Variants in GARNL3 observed in about 807,000 individuals in gnomAD.
GARNL3 encodes GTPase activating Rap/RanGAP domain like 3, also known as GTPase-activating Rap/Ran-GAP domain-like protein 3.
A neutral mutation model predicts 125.0 loss-of-function variants in GARNL3; 63 were observed. That is an observed-to-expected ratio of 0.50 (90% CI 0.41 to 0.62). The LOEUF (loss-of-function observed/expected upper bound fraction) is 0.62. GARNL3 is among the 20% of genes least tolerant of loss of function. GARNL3 has a pLI of 0.00. For synonymous variants in GARNL3, 439 were observed against 457.5 expected, an observed-to-expected ratio of 0.96 and a Z score of 0.52; for missense variants, 994 against 1,244.0, an observed-to-expected ratio of 0.80 and a Z score of 3.02.
intron 2 of GARNL3, among the ~76,000 whole-genome samples, chr9:127,245,929 G>C (rs2063294771): frequency 6.6e-6 from 1 of 151,644 alleles, no homozygotes; most frequent in South Asian, 2.1e-4. Context: ...ATATTTATGG[G>C]ATGGCAGCGT....
chr9:127,332,247 T>A (rs10987596), intron 7 of GARNL3, 27 bp from the exon 8 acceptor site: 3 of 1,564,646 alleles, frequency 1.9e-6, no homozygotes, highest in South Asian at 2.2e-5. Flanking sequence ...TAAAATTAAC[T>A]GTAACACCTT....
chr9:127,249,202 A>G (rs2063357102), intron 2 of GARNL3, among the ~76,000 whole-genome samples: 1 of 152,182 alleles, frequency 6.6e-6, no homozygotes. Context: ...AGCTAAAGTA[A>G]AGAAAGTAAA....
At chr9:127,351,957 T>C (rs890161875) in intron 17 of GARNL3, among the ~76,000 whole-genome samples, 1 of 152,226 alleles carries the variant, frequency 6.6e-6, no homozygotes, top group Non-Finnish European at 1.5e-5. Flanking sequence ...TATACAAACC[T>C]GTTCAGCCAT....
intron 2 of GARNL3, among the ~76,000 whole-genome samples, chr9:127,293,576 C>T (rs2064492974): frequency 6.6e-6 from 1 of 151,694 alleles, no homozygotes. Context: ...GTTTACTGTT[C>T]CCTTGAGATA....
intron 22 of GARNL3, among the ~76,000 whole-genome samples, chr9:127,365,865 T>C (rs1831261224): frequency 6.6e-6 from 1 of 152,174 alleles, no homozygotes; most frequent in African/African-American, 2.4e-5. Flanking sequence ...GTCGCTATTC[T>C]ACATTTTGCT....
At position 127,337,392 on chromosome 9, in the gene GARNL3, C is replaced by G. The variant is rs146300281; in HGVS notation, c.983-724C>G. Among the ~76,000 whole-genome samples, 281 of 152,152 alleles carry G rather than the reference C, an allele frequency of 1.8e-3. 1 individual carries two copies. Among genetic ancestry groups the G allele is most frequent in the African/African-American group, 6.3e-3 (261 of 41,502 alleles). On this transcript the variant is annotated intron_variant, in intron 11 of 27. Transcript: ENST00000373387. ...AGATTTGGGGCTTGGCACATTTGTT[C>G]CTGAAAAGGGGCAAGCAGATCATTA... is the stretch of plus-strand genomic sequence containing the variant.
At chr9:127,301,389 A>G (rs748567317) in intron 2 of GARNL3, among the ~76,000 whole-genome samples, 23 of 152,108 alleles carry the variant, frequency 1.5e-4, no homozygotes, top group Non-Finnish European at 3.4e-4. Flanking sequence ...TCTTTTTCAC[A>G]TGTGCTGGTG....
intron 6 of GARNL3, among the ~76,000 whole-genome samples, chr9:127,321,854 A>G (rs939373631): frequency 6.6e-6 from 1 of 152,176 alleles, no homozygotes; most frequent in African/African-American, 2.4e-5. Context: ...ATCGTGCTCA[A>G]ATTTGCTTTT....
At chr9:127,260,537 T>C (rs1408249350), upstream of GARNL3, among the ~76,000 whole-genome samples, 1 of 152,218 alleles carries the variant, frequency 6.6e-6, no homozygotes, top group Non-Finnish European at 1.5e-5. Flanking sequence ...GAGACTATAC[T>C]ACAGGGATTG....
intron 21 of GARNL3, chr9:127,363,731 A>T (rs1831135778): frequency 6.6e-6 from 1 of 152,236 alleles, no homozygotes; most frequent in African/African-American, 2.4e-5. Flanking sequence ...GCACAAAAAA[A>T]CACCTGAGAA....
intron 7 of GARNL3, among the ~76,000 whole-genome samples, chr9:127,330,865 G>A (rs1010767135): frequency 6.6e-6 from 1 of 152,182 alleles, no homozygotes; most frequent in African/African-American, 2.4e-5. Context: ...TGTTAGTGAT[G>A]AGTGTGCATC....
intron 12 of GARNL3, 132 bp downstream of exon 12, chr9:127,338,293 T>C: frequency 1.4e-6 from 1 of 727,016 alleles, no homozygotes; most frequent in Admixed American, 2.1e-5. Flanking sequence ...TTACAAAACT[T>C]TCTTCAAGGC....
intron 12 of GARNL3, among the ~76,000 whole-genome samples, chr9:127,339,296 CAA>C (rs58392654): frequency 1.1e-4 from 13 of 120,896 alleles, no homozygotes; most frequent in African/African-American, 8.6e-5. Flanking sequence ...GACTCCGTCT[CAA>C]AAAAAAAAAA....
intron 1 of GARNL3, among the ~76,000 whole-genome samples, chr9:127,272,180 G>A (rs140989634): frequency 6.0e-5 from 9 of 150,310 alleles, no homozygotes; most frequent in South Asian, 4.2e-4. Context: ...ATACCTGTGG[G>A]ACTGTTGTGA....
intron 2 of GARNL3, among the ~76,000 whole-genome samples, chr9:127,302,835 A>G (rs543793026): frequency 6.6e-6 from 1 of 152,200 alleles, no homozygotes; most frequent in South Asian, 2.1e-4. Flanking sequence ...AAAGAACAAA[A>G]TAGATCTATA....
chr9:127,343,390 A>G (rs1829973611), intron 14 of GARNL3, among the ~76,000 whole-genome samples: 1 of 152,162 alleles, frequency 6.6e-6, no homozygotes, highest in Admixed American at 6.5e-5. Flanking sequence ...CAAGATAAGT[A>G]ATCATATCCC....
intron 2 of GARNL3, among the ~76,000 whole-genome samples, chr9:127,308,643 T>C (rs1378428663): frequency 6.6e-6 from 1 of 152,006 alleles, no homozygotes; most frequent in African/African-American, 2.4e-5. Flanking sequence ...AGAAACACAA[T>C]GAAATGATCC....
chr9:127,387,402 A>G (rs745555316), intron 25 of GARNL3, 71 bp downstream of exon 25: 154 of 1,369,458 alleles, frequency 1.1e-4, no homozygotes, highest in Non-Finnish European at 1.6e-4. Flanking sequence ...GTTGTCTAAT[A>G]TCTACATGTG....
At chr9:127,322,276 A>G (rs748094631) in intron 6 of GARNL3, among the ~76,000 whole-genome samples, 8 of 151,952 alleles carry the variant, frequency 5.3e-5, no homozygotes, top group Non-Finnish European at 7.4e-5. Context: ...CTTCCCAGAC[A>G]CGGAGCCCCA....
Sources: gnomAD v4.1 joint callset for allele counts (sites outside exome capture counted in the v4.1 genomes callset) on GRCh38, gnomAD v4.1.1 for gene constraint, MANE v1.5 for transcripts, NCBI Gene and HGNC (gene_info 2026-07-23, HGNC 2026-07-21) for gene names.